The following RELN variants were observed in gnomAD, a reference collection of about 807,000 sequenced individuals.
RELN encodes reelin.
RELN carries 108 observed loss-of-function variants against 427.6 expected under a neutral mutation model. The ratio of observed to expected loss-of-function variants is 0.25; its 90% CI spans 0.22 to 0.30. The LOEUF (loss-of-function observed/expected upper bound fraction) is 0.30. Among genes scored for constraint, RELN ranks in the 10% least tolerant of loss-of-function variants. The pLI is 1.00. For synonymous variants in RELN, 1,524 were observed against 1,513.4 expected, an observed-to-expected ratio of 1.01 and a Z score of -0.16; for missense variants, 3,715 against 4,302.8, an observed-to-expected ratio of 0.86 and a Z score of 3.82.
In RELN at chr7:103,712,239, C is replaced by T. The variant is rs114352223; in HGVS notation, c.805+10901G>A. ...GCTCATTGTGCAGTAGCCTATTTACCGTAATATACATGTAATGCATACAGA... is the reference window on the plus strand; with the variant it reads ...GCTCATTGTGCAGTAGCCTATTTACTGTAATATACATGTAATGCATACAGA... On this transcript the variant is annotated intron_variant, in intron 8 of 64. Coordinates refer to ENST00000428762, the MANE Select transcript of RELN (RefSeq NM_005045.4). 9.7e-3 allele frequency among the ~76,000 whole-genome samples: 1,468 copies of T among 152,086 alleles called. 28 individuals are homozygous for T. Among genetic ancestry groups the T allele is most frequent in the African/African-American group, 0.033 (1,386 of 41,538 alleles).
intron 24 of RELN, among the ~76,000 whole-genome samples, chr7:103,601,883 C>T (rs1197535650): frequency 6.6e-6 from 1 of 152,162 alleles, no homozygotes; most frequent in Non-Finnish European, 1.5e-5. Flanking sequence ...TAGCAATCTG[C>T]ATGCCTAATC....
rs1199602599 is a variant in RELN at position 103,472,669 on chromosome 7, G to A, written c.*143C>T. 4.5e-5 allele frequency: 31 copies of A among 690,758 alleles called. No homozygotes were observed. Among genetic ancestry groups the A allele is most frequent in the Non-Finnish European group, 6.8e-5 (26 of 381,538 alleles). 42.8% of individuals were successfully genotyped at this position (690,758 alleles called of 1,614,324 possible). A position where few individuals can be genotyped will look rare whatever the true frequency, so the allele number is the denominator to read the frequency against. ...TTAGTTCACAGTGTGGGAAAGTGGT[G>A]TACACTCGGTCTTGAGAAGGGCTTT... On this transcript the variant is annotated 3_prime_UTR_variant, in exon 65 of 65. Transcript: ENST00000428762.
At chr7:103,597,675 A>G (rs1025717822) in intron 24 of RELN, among the ~76,000 whole-genome samples, 3 of 152,154 alleles carry the variant, frequency 2.0e-5, no homozygotes, top group African/African-American at 7.2e-5. Flanking sequence ...TCTCACAAAC[A>G]GAAGTTAGGA....
At position 103,573,502 on chromosome 7, in the gene RELN, T is replaced by G. The variant is rs1183638621; in HGVS notation, c.4511+590A>C. ...ATATGACACAGGACCCCAGATTTTG[T>G]GAGGAGGTCTAAAAATTTTAAACAT... On this transcript the variant is annotated intron_variant, in intron 30 of 64. Coordinates refer to ENST00000428762, the MANE Select transcript of RELN (RefSeq NM_005045.4). The surrounding 1 kb of genome is among the most constrained non-coding windows in gnomAD (Gnocchi z 4.4). Among the ~76,000 whole-genome samples the G allele has an allele frequency of 6.6e-6, 1 of 152,190 alleles. No individual in the cohort carries two copies. Among genetic ancestry groups the G allele is most frequent in the Admixed American group, 6.5e-5 (1 of 15,274 alleles).
rs760833704 is a variant in RELN at position 103,604,495 on chromosome 7, G to A, written c.3009-12C>T. On this transcript the variant is annotated splice_polypyrimidine_tract_variant and intron_variant, in intron 22 of 64. Transcript: ENST00000428762. ...GGGTAGCACTGGACCTAGAAACACGGTATAGTATAACAAAAACGGTTTCAA... is the reference window on the plus strand; with the variant it reads ...GGGTAGCACTGGACCTAGAAACACGATATAGTATAACAAAAACGGTTTCAA... 5 of 1,613,590 alleles carry A rather than the reference G, an allele frequency of 3.1e-6. No individual in the cohort carries two copies. The South Asian group carries it at 5.5e-5, about 18-fold the overall frequency.
At chr7:103,533,878 A>T (rs1035918501) in intron 46 of RELN, among the ~76,000 whole-genome samples, 3 of 151,540 alleles carry the variant, frequency 2.0e-5, no homozygotes, top group Non-Finnish European at 2.9e-5. Flanking sequence ...ATAAAGACTT[A>T]AAAGACTGTT....
intron 1 of RELN, among the ~76,000 whole-genome samples, chr7:103,967,957 A>G (rs1462236486): frequency 2.0e-5 from 3 of 151,534 alleles, no homozygotes; most frequent in Non-Finnish European, 4.4e-5. Context: ...CATATTTACA[A>G]TTTCCTTTGG....
intron 1 of RELN, among the ~76,000 whole-genome samples, chr7:103,932,471 G>A (rs1276157265): frequency 2.6e-5 from 4 of 152,120 alleles, no homozygotes; most frequent in Non-Finnish European, 5.9e-5. Flanking sequence ...GAAATAATCT[G>A]TACAACAAAC....
rs540988663 is a variant in RELN, at chr7:103,551,758, A to G, written c.6073-462T>C. Among the ~76,000 whole-genome samples the G allele has an allele frequency of 7.2e-5, 11 of 152,314 alleles. No homozygotes were observed. In the South Asian group the frequency reaches 2.3e-3, roughly 32 times the overall value. On this transcript the variant is annotated intron_variant, in intron 40 of 64. Transcript: ENST00000428762. Reference sequence around the variant, plus strand: ...GAATCTGCAATGAATATTCAATATCAAAAGAGAATACAATCATTGTCATCA... The same window carrying G: ...GAATCTGCAATGAATATTCAATATCGAAAGAGAATACAATCATTGTCATCA...
chr7:103,545,221 A>G lies in RELN; in HGVS notation c.6426T>C (p.Cys2142=). The change falls in exon 42 of 65, where the codon TGT becomes TGC. Residue 2142 remains cysteine (C), a synonymous_variant. Coordinates refer to ENST00000428762, the MANE Select transcript of RELN (RefSeq NM_005045.4). The part of the protein sequence containing the change: ...CEEMCNGQGS[C]INGTKCICDP... The stretch of plus-strand genomic sequence containing the variant: ...CACATATACATTTGGTTCCATTGAT[A>G]CAGCTCCCCTGTCCATTACACATCT... The G allele has an allele frequency of 6.2e-7, 1 of 1,614,118 alleles. No individual in the cohort carries two copies. The highest frequency in any genetic ancestry group is 1.3e-5 in the African/African-American group (1 of 75,054).
At chr7:103,958,449 C>T (rs898325998) in intron 1 of RELN, among the ~76,000 whole-genome samples, 1 of 152,206 alleles carries the variant, frequency 6.6e-6, no homozygotes, top group African/African-American at 2.4e-5. Context: ...CAATATGAAG[C>T]AGCTTCATAG....
intron 10 of RELN, among the ~76,000 whole-genome samples, chr7:103,688,519 G>A (rs1037978435): frequency 6.6e-6 from 1 of 152,018 alleles, no homozygotes; most frequent in African/African-American, 2.4e-5. Context: ...TAGGTTTAAA[G>A]GTGAATTCTA....
At chr7:103,487,049 A>G (rs1586473930) in intron 60 of RELN, among the ~76,000 whole-genome samples, 2 of 152,234 alleles carry the variant, frequency 1.3e-5, no homozygotes, top group Non-Finnish European at 2.9e-5. Flanking sequence ...AATGTGGCAC[A>G]TAAACACCAT....
chr7:103,956,934 G>C (rs1796445150), intron 1 of RELN, among the ~76,000 whole-genome samples: 1 of 152,090 alleles, frequency 6.6e-6, no homozygotes, highest in South Asian at 2.1e-4. Flanking sequence ...TGGTGTCTTG[G>C]GATTCCTTAA....
At chr7:103,934,136 C>T (rs1471226047) in intron 1 of RELN, among the ~76,000 whole-genome samples, 1 of 152,150 alleles carries the variant, frequency 6.6e-6, no homozygotes. Context: ...ACCCATGTTG[C>T]ATGACACTTC....
intron 31 of RELN, among the ~76,000 whole-genome samples, chr7:103,568,406 A>G (rs1830810190): frequency 6.6e-6 from 1 of 152,210 alleles, no homozygotes; most frequent in Non-Finnish European, 1.5e-5. Flanking sequence ...AGACTGAATG[A>G]GAGGATGAAA....
intron 6 of RELN, among the ~76,000 whole-genome samples, chr7:103,736,719 A>G (rs563767018): frequency 1.4e-4 from 22 of 152,278 alleles, no homozygotes; most frequent in African/African-American, 4.8e-4. Flanking sequence ...ATATTTTCTT[A>G]CTTGTTTCAA....
At chr7:103,831,686 G>C (rs960474500) in intron 3 of RELN, among the ~76,000 whole-genome samples, 2 of 152,128 alleles carry the variant, frequency 1.3e-5, no homozygotes, top group African/African-American at 4.8e-5. Flanking sequence ...TAAGGGAATT[G>C]TGGGAAGGCC....
At chr7:103,713,025 C>T (rs563151380) in intron 8 of RELN, among the ~76,000 whole-genome samples, 9 of 152,104 alleles carry the variant, frequency 5.9e-5, no homozygotes, top group Non-Finnish European at 1.2e-4. Flanking sequence ...CAAAGCTCTG[C>T]CTTAAAAATG....
Sources: gnomAD v4.1 joint callset for allele counts (sites outside exome capture counted in the v4.1 genomes callset) on GRCh38, gnomAD v4.1.1 for gene constraint, Gnocchi (gnomAD v3.1) non-coding constraint, MANE v1.5 for transcripts, NCBI Gene and HGNC (gene_info 2026-07-23, HGNC 2026-07-21) for gene names.